The following TMEM92 variants were observed in gnomAD, a reference collection of about 807,000 sequenced individuals.
TMEM92 encodes transmembrane protein 92.
Under a neutral mutation model 14.6 loss-of-function variants are expected in TMEM92, and 15 were observed. The ratio of observed to expected loss-of-function variants is 1.03; its 90% CI spans 0.69 to 1.58. The LOEUF (loss-of-function observed/expected upper bound fraction) is 1.58. Among genes scored for constraint, TMEM92 ranks in the 40% most tolerant of loss-of-function variants. The probability of loss-of-function intolerance (pLI) is 0.00; values close to 1 mark genes in which losing one functional copy is unlikely to be tolerated. For missense variants in TMEM92, 174 were observed against 202.4 expected, an observed-to-expected ratio of 0.86 and a Z score of 0.85; for synonymous variants, 85 against 83.3, an observed-to-expected ratio of 1.02 and a Z score of -0.11.
intron 1 of TMEM92, among the ~76,000 whole-genome samples, chr17:50,275,378 C>G (rs12936534): frequency 0.11 from 17,131 of 152,044 alleles, 1,249 homozygotes; most frequent in East Asian, 0.32. Context: ...CTGCCAAAAC[C>G]CTTCCGTGGA....
At chr17:50,275,741 A>T (rs762641596) in intron 1 of TMEM92, among the ~76,000 whole-genome samples, 5 of 152,186 alleles carry the variant, frequency 3.3e-5, no homozygotes, top group Non-Finnish European at 7.3e-5. Flanking sequence ...CAGGAAAAGG[A>T]CAAGGGCCAG....
intron 3 of TMEM92, 25 bp downstream of exon 3, chr17:50,278,655 G>T: frequency 6.2e-7 from 1 of 1,611,022 alleles, no homozygotes. Flanking sequence ...AGCTCCTTTG[G>T]GTGCAGTCCT....
intron 1 of TMEM92, 111 bp from the exon 2 acceptor site, chr17:50,277,604 C>T (rs1910467847): frequency 7.8e-7 from 1 of 1,289,754 alleles, no homozygotes; most frequent in Non-Finnish European, 1.1e-6. Context: ...GAGGCTGAGT[C>T]TACTGGGGAC....
At chr17:50,276,937 G>T (rs990570854) in intron 1 of TMEM92, among the ~76,000 whole-genome samples, 6 of 152,286 alleles carry the variant, frequency 3.9e-5, no homozygotes, top group Admixed American at 3.9e-4. Flanking sequence ...AACTGGAGAG[G>T]GAGGAGCTGG....
At chr17:50,278,357 CCGT>C (rs1910497293) in intron 2 of TMEM92, among the ~76,000 whole-genome samples, 196 bp from the exon 3 acceptor site, 1 of 152,172 alleles carries the variant, frequency 6.6e-6, no homozygotes, top group African/African-American at 2.4e-5. Context: ...CAACAGGGAG[CCGT>C]ACTGGGCACA....
At chr17:50,278,036 G>T (rs1303332016) in intron 2 of TMEM92, among the ~76,000 whole-genome samples, 1 of 152,194 alleles carries the variant, frequency 6.6e-6, no homozygotes, top group South Asian at 2.1e-4. Flanking sequence ...GAGGCAGGGG[G>T]CTAACCCTAA....
chr17:50,277,273 G>C (rs1205722598), intron 1 of TMEM92, among the ~76,000 whole-genome samples: 1 of 152,090 alleles, frequency 6.6e-6, no homozygotes, highest in Non-Finnish European at 1.5e-5. Context: ...TCACTCGGGA[G>C]GTCTCTACCC....
At chr17:50,272,619 G>GGTCT (rs996785941), upstream of TMEM92, among the ~76,000 whole-genome samples, 4 of 152,154 alleles carry the variant, frequency 2.6e-5, no homozygotes, top group African/African-American at 9.7e-5. Context: ...AAATACAGAG[G>GGTCT]GGCCAGATCC....
chr17:50,271,761 A>C (rs1201119053), upstream of TMEM92, among the ~76,000 whole-genome samples: 1 of 152,126 alleles, frequency 6.6e-6, no homozygotes, highest in Non-Finnish European at 1.5e-5. Flanking sequence ...GCATGGGCCC[A>C]GGTGTAGTAG....
Position 50,274,543 on chromosome 17 carries a change from G to C in TMEM92, c.42G>C (p.Leu14=), listed in dbSNP as rs758070794. Residue 14 remains leucine (L), a synonymous_variant, in exon 1 of 5, where the codon CTG becomes CTC. Transcript: ENST00000507382. ...AWVPGLAPTL[L]FSLLAGPQKI... ...TCCCCGGCCTCGCGCCCACCTTGCT[G>C]TTCAGCCTGCTGGCTGGCCCCCAAA... is the stretch of plus-strand genomic sequence containing the variant. The C allele has an allele frequency of 1.2e-6, 2 of 1,613,980 alleles. No homozygotes were observed. The highest frequency in any genetic ancestry group is 1.7e-6 in the Non-Finnish European group (2 of 1,179,938).
At chr17:50,274,349 C>A, upstream of TMEM92, 1 of 717,582 alleles carries the variant, frequency 1.4e-6, no homozygotes, top group Non-Finnish European at 2.4e-6. Context: ...CCCTTCCTCC[C>A]TTCCTCCTCC....
upstream of TMEM92, among the ~76,000 whole-genome samples, chr17:50,273,913 G>A (rs1910332015): frequency 6.6e-6 from 1 of 152,182 alleles, no homozygotes; most frequent in Admixed American, 6.5e-5. Flanking sequence ...GGAGTTGGGA[G>A]TTAGGAAGGC....
chr17:50,274,752 G>C (rs1405316667), intron 1 of TMEM92, 182 bp downstream of exon 1: 1 of 627,764 alleles, frequency 1.6e-6, no homozygotes. Flanking sequence ...GAGGCTCTGG[G>C]AGAGGCTGGG....
Position 50,274,481 on chromosome 17 carries a change from C to T in TMEM92, c.-21C>T. On this transcript the variant is annotated 5_prime_UTR_variant, in exon 1 of 5. Coordinates refer to ENST00000507382, the MANE Select transcript of TMEM92 (RefSeq NM_153229.3). ...GCCCCGCCTTCTCTACACAGGAAAG[C>T]TCAGTGGCCCCCAAGCCAGGATGTC... 6.2e-7 allele frequency: 1 copy of T among 1,613,700 alleles called. No homozygotes were observed. The highest frequency in any genetic ancestry group is 1.1e-5 in the South Asian group (1 of 91,036).
At chr17:50,276,127 T>C (rs1910423062) in intron 1 of TMEM92, among the ~76,000 whole-genome samples, 1 of 151,090 alleles carries the variant, frequency 6.6e-6, no homozygotes, top group Admixed American at 6.6e-5. Context: ...CTAGACTCCA[T>C]CTCCAAAAAG....
intron 1 of TMEM92, among the ~76,000 whole-genome samples, chr17:50,276,096 A>T (rs1910421801): frequency 6.6e-6 from 1 of 152,010 alleles, no homozygotes; most frequent in Admixed American, 6.6e-5. Flanking sequence ...GCACCACTGC[A>T]CTCCAGCCTG....
At chr17:50,277,021 G>A (rs1910451070) in intron 1 of TMEM92, among the ~76,000 whole-genome samples, 1 of 152,134 alleles carries the variant, frequency 6.6e-6, no homozygotes. Flanking sequence ...ATCAATGGAG[G>A]GAAATTCTGT....
chr17:50,273,107 C>G (rs1286909950), upstream of TMEM92, among the ~76,000 whole-genome samples: 1 of 152,146 alleles, frequency 6.6e-6, no homozygotes, highest in Non-Finnish European at 1.5e-5. Context: ...GACAGATTGG[C>G]GACACAGCAG....
At chr17:50,278,436 A>T in intron 2 of TMEM92, 120 bp from the exon 3 acceptor site, 3 of 1,090,540 alleles carry the variant, frequency 2.8e-6, no homozygotes, top group Non-Finnish European at 4.0e-6. Flanking sequence ...CCCCCACCCC[A>T]CTAAGGGGTG....
Sources: allele counts gnomAD v4.1 joint callset (sites outside exome capture counted in the v4.1 genomes callset), GRCh38; gene constraint gnomAD v4.1.1; transcripts MANE v1.5; gene names NCBI Gene and HGNC (gene_info 2026-07-23, HGNC 2026-07-21).